NTM: variants seen among roughly 807,000 people sequenced by gnomAD.
NTM encodes the protein neurotrimin.
A neutral mutation model predicts 42.1 loss-of-function variants in NTM; 13 were observed. That is an observed-to-expected ratio of 0.31 (90% CI 0.20 to 0.49). The LOEUF is 0.49. NTM is among the 20% of genes least tolerant of loss of function. The probability of loss-of-function intolerance (pLI) is 0.99; values close to 1 mark genes in which losing one functional copy is unlikely to be tolerated. For synonymous variants in NTM, 187 were observed against 179.2 expected (o/e 1.04, Z -0.35); for missense variants, 373 against 452.8 (o/e 0.82, Z 1.60).
chr11:132,059,671 G>A (rs1235434538), intron 2 of NTM, among the ~76,000 whole-genome samples: 1 of 152,128 alleles, frequency 6.6e-6, no homozygotes, highest in Non-Finnish European at 1.5e-5. Context: ...TGGGGTAGGT[G>A]CTTTGTGACC....
intron 1 of NTM, among the ~76,000 whole-genome samples, chr11:131,576,586 G>A (rs1445502107): frequency 6.6e-6 from 1 of 152,204 alleles, no homozygotes; most frequent in Non-Finnish European, 1.5e-5. Flanking sequence ...GACTGGCAAA[G>A]ACTGCCTCCA....
intron 1 of NTM, among the ~76,000 whole-genome samples, chr11:131,734,674 C>T (rs2080184556): frequency 6.6e-6 from 1 of 152,092 alleles, no homozygotes. Context: ...CAGCTCTTCC[C>T]CTTTGCTTTA....
chr11:131,516,921 T>C (rs905014256), intron 1 of NTM, among the ~76,000 whole-genome samples: 1 of 152,210 alleles, frequency 6.6e-6, no homozygotes, highest in Non-Finnish European at 1.5e-5. Context: ...AGATTGCATT[T>C]CAAGATTGGT....
intron 1 of NTM, among the ~76,000 whole-genome samples, chr11:131,687,305 T>C (rs73583672): frequency 0.014 from 2,083 of 151,798 alleles, 59 homozygotes; most frequent in African/African-American, 0.047. Flanking sequence ...CCCACCCCAG[T>C]TGCTTGAATG....
intron 2 of NTM, among the ~76,000 whole-genome samples, chr11:132,125,922 G>A (rs953632061): frequency 1.3e-5 from 2 of 151,364 alleles, no homozygotes; most frequent in African/African-American, 4.9e-5. Context: ...GTGTGTGTGT[G>A]TATATTGTGT....
intron 2 of NTM, among the ~76,000 whole-genome samples, chr11:131,983,459 T>C (rs1431784492): frequency 6.9e-6 from 1 of 144,764 alleles, no homozygotes; most frequent in African/African-American, 2.6e-5. Context: ...CACTGCAACC[T>C]CTGCCTCCCG....
At chr11:132,043,623 G>A (rs763444296) in intron 2 of NTM, among the ~76,000 whole-genome samples, 12 of 152,196 alleles carry the variant, frequency 7.9e-5, no homozygotes, top group Non-Finnish European at 1.3e-4. Flanking sequence ...GTGGTCACCC[G>A]TTATGGCTCT....
intron 2 of NTM, among the ~76,000 whole-genome samples, chr11:132,071,693 T>G (rs2057694570): frequency 6.6e-6 from 1 of 152,178 alleles, no homozygotes; most frequent in South Asian, 2.1e-4. Flanking sequence ...CAGTGGGTCA[T>G]GAACCTCCCA....
intron 1 of NTM, among the ~76,000 whole-genome samples, chr11:131,869,350 T>C (rs1001339678): frequency 2.0e-5 from 3 of 152,200 alleles, no homozygotes; most frequent in Non-Finnish European, 4.4e-5. Flanking sequence ...CTGCCAGTCA[T>C]TGTGTGATTT....
chr11:132,288,988 T>C (rs1044981577), intron 4 of NTM, among the ~76,000 whole-genome samples: 2 of 152,206 alleles, frequency 1.3e-5, no homozygotes, highest in African/African-American at 4.8e-5. Flanking sequence ...GCTATTAAAC[T>C]GATCCAATTA....
chr11:132,106,038 C>A (rs756934295), intron 2 of NTM, among the ~76,000 whole-genome samples: 13 of 152,104 alleles, frequency 8.5e-5, no homozygotes, highest in Non-Finnish European at 1.8e-4. Flanking sequence ...GGCTCCGTGG[C>A]AACCAGGGTG....
At chr11:131,970,162 C>T (rs1416329762) in intron 2 of NTM, among the ~76,000 whole-genome samples, 2 of 152,236 alleles carry the variant, frequency 1.3e-5, no homozygotes, top group African/African-American at 2.4e-5. Context: ...ACTTCACCTG[C>T]ACCCTGTCAC....
rs555713876 is a variant in NTM, at chr11:131,394,704, C to T, written c.82+23816C>T. Among the ~76,000 whole-genome samples the T allele has an allele frequency of 9.2e-5, 14 of 152,282 alleles. No individual in the cohort carries two copies. In the South Asian group the frequency reaches 1.5e-3, roughly 16 times the overall value. On this transcript the variant is annotated intron_variant, in intron 1 of 8. Coordinates refer to ENST00000683400, the MANE Select transcript of NTM (RefSeq NM_001352005.2). ...GAGCCCTTTTCTAAAGGGGTGTCCT[C>T]ATTATCTGAACATCCATCTACTGAG... is the stretch of plus-strand genomic sequence containing the variant.
intron 2 of NTM, among the ~76,000 whole-genome samples, chr11:131,938,879 G>T (rs2134183582): frequency 6.6e-6 from 1 of 152,288 alleles, no homozygotes; most frequent in South Asian, 2.1e-4. Flanking sequence ...GTTGGGTTAT[G>T]ATTCTTTTAA....
chr11:132,188,891 C>T (rs933080008), intron 3 of NTM, among the ~76,000 whole-genome samples: 1 of 152,166 alleles, frequency 6.6e-6, no homozygotes, highest in East Asian at 1.9e-4. Context: ...TGCATGGGAG[C>T]CATTTCCTCT....
At chr11:131,407,354 T>C (rs945787161) in intron 1 of NTM, among the ~76,000 whole-genome samples, 1 of 152,218 alleles carries the variant, frequency 6.6e-6, no homozygotes, top group Non-Finnish European at 1.5e-5. Flanking sequence ...TGTCCTTTGC[T>C]TGTCAGTTTG....
chr11:131,527,123 G>A (rs2050605166), intron 1 of NTM, among the ~76,000 whole-genome samples: 1 of 152,178 alleles, frequency 6.6e-6, no homozygotes, highest in Non-Finnish European at 1.5e-5. Flanking sequence ...CACTGTGTCT[G>A]ATGTACCTAT....
At chr11:132,310,981 C>G (rs182920853) in intron 6 of NTM, among the ~76,000 whole-genome samples, 72 of 152,230 alleles carry the variant, frequency 4.7e-4, no homozygotes, top group African/African-American at 1.5e-3. Flanking sequence ...GTGTTCAGAA[C>G]ATTTTCATTG....
intron 1 of NTM, among the ~76,000 whole-genome samples, chr11:131,493,374 G>A (rs1032247842): frequency 6.6e-6 from 1 of 152,034 alleles, no homozygotes; most frequent in East Asian, 1.9e-4. Flanking sequence ...ACTTAAAATG[G>A]CCCCAAGACC....
Sources: allele counts gnomAD v4.1 joint callset (sites outside exome capture counted in the v4.1 genomes callset), GRCh38; gene constraint gnomAD v4.1.1; transcripts MANE v1.5; gene names NCBI Gene and HGNC (gene_info 2026-07-23, HGNC 2026-07-21).